Variants in ABCC1 observed in about 807,000 individuals in gnomAD.
The protein encoded by ABCC1 is ATP binding cassette subfamily C member 1 (ABCC1 blood group).
In ABCC1, 83 loss-of-function variants were observed where a neutral mutation model predicts 172.9. The observed-to-expected ratio is 0.48, with a 90% CI of 0.40 to 0.58. ABCC1 has a LOEUF of 0.58. Ranked by LOEUF, ABCC1 falls within the 20% of genes least tolerant of loss-of-function variation. The pLI is 0.00. For synonymous variants in ABCC1, 937 were observed against 825.2 expected (o/e 1.14, Z -2.32); for missense variants, 1,817 against 2,002.7 (o/e 0.91, Z 1.77).
At chr16:15,994,917 G>C (rs1053939868) in intron 1 of ABCC1, among the ~76,000 whole-genome samples, 2 of 151,426 alleles carry the variant, frequency 1.3e-5, no homozygotes, top group Non-Finnish European at 2.9e-5. Context: ...CAGATCATGA[G>C]GTCAGAAATG....
intron 25 of ABCC1, among the ~76,000 whole-genome samples, chr16:16,125,437 A>AT (rs900105917): frequency 1.3e-5 from 2 of 151,308 alleles, no homozygotes; most frequent in South Asian, 2.1e-4. Flanking sequence ...TTATTTATTT[A>AT]TTTTTTTTGG....
intron 12 of ABCC1, among the ~76,000 whole-genome samples, chr16:16,058,163 A>G (rs1399426282): frequency 6.6e-6 from 1 of 152,138 alleles, no homozygotes; most frequent in Non-Finnish European, 1.5e-5. Context: ...TGCAACTTAC[A>G]ATTTGCAAAG....
intron 1 of ABCC1, among the ~76,000 whole-genome samples, chr16:15,985,251 A>T (rs948739558): frequency 1.2e-4 from 19 of 152,214 alleles, no homozygotes; most frequent in Admixed American, 2.0e-4. Context: ...AAGGCATTAG[A>T]AATGCCCTGG....
At chr16:15,960,241 C>T (rs1001061587) in intron 1 of ABCC1, among the ~76,000 whole-genome samples, 21 of 151,738 alleles carry the variant, frequency 1.4e-4, no homozygotes, top group Admixed American at 1.1e-3. Flanking sequence ...CCAGCACACC[C>T]GGCTAATTTT....
chr16:15,981,406 T>C (rs903443599), intron 1 of ABCC1, among the ~76,000 whole-genome samples: 25 of 152,204 alleles, frequency 1.6e-4, no homozygotes, highest in Non-Finnish European at 2.9e-4. Flanking sequence ...ACCCAGGCAT[T>C]TCCATGCATC....
In ABCC1 at chr16:16,134,285, C is replaced by T. The variant is rs569737816; in HGVS notation, c.3967-65C>T. The T allele has an allele frequency of 8.8e-6, 14 of 1,599,018 alleles. No individual in the cohort carries two copies. In the East Asian group the frequency reaches 2.7e-4, roughly 31 times the overall value. ...CTGAGGTGGGGCCGAGATGAGGGCA[C>T]TTTGGGGCAGGGACAAGTCCGGATG... On this transcript the variant is annotated intron_variant, in intron 27 of 30. Transcript: ENST00000399410.
chr16:16,108,956 G>C (rs1224287354), intron 21 of ABCC1, among the ~76,000 whole-genome samples: 1 of 151,852 alleles, frequency 6.6e-6, no homozygotes, highest in Non-Finnish European at 1.5e-5. Context: ...AGAGGTTCCT[G>C]AACGCTGCAG....
chr16:15,998,022 A>G (rs1232571784), intron 1 of ABCC1, among the ~76,000 whole-genome samples: 1 of 150,668 alleles, frequency 6.6e-6, no homozygotes, highest in African/African-American at 2.4e-5. Flanking sequence ...GGGTTTCACT[A>G]TGTTGGCCAG....
chr16:15,963,253 C>T (rs970099780), intron 1 of ABCC1, among the ~76,000 whole-genome samples: 1 of 152,266 alleles, frequency 6.6e-6, no homozygotes, highest in Admixed American at 6.5e-5. Context: ...GGCAGCTCTG[C>T]CCCTGTGGCT....
At chr16:15,984,691 A>G (rs1461417902) in intron 1 of ABCC1, among the ~76,000 whole-genome samples, 1 of 151,892 alleles carries the variant, frequency 6.6e-6, no homozygotes, top group South Asian at 2.1e-4. Context: ...TGATCTGCCC[A>G]CCTTGGCCTC....
At chr16:15,965,201 A>T (rs934024345) in intron 1 of ABCC1, among the ~76,000 whole-genome samples, 1 of 151,874 alleles carries the variant, frequency 6.6e-6, no homozygotes, top group Non-Finnish European at 1.5e-5. Flanking sequence ...TAAATGTCCA[A>T]TCGATAGTTC....
intron 1 of ABCC1, among the ~76,000 whole-genome samples, chr16:15,971,740 A>T (rs1307826560): frequency 6.6e-6 from 1 of 152,068 alleles, no homozygotes; most frequent in Non-Finnish European, 1.5e-5. Context: ...TTTGAGTTTG[A>T]TTGCTTCAGT....
intron 27 of ABCC1, 24 bp downstream of exon 27, chr16:16,131,959 C>G (rs765156385): frequency 6.2e-7 from 1 of 1,605,738 alleles, no homozygotes; most frequent in Non-Finnish European, 8.5e-7. Context: ...GCCCCATTCC[C>G]TCACCCATTC....
At chr16:16,123,592 A>G (rs926787318) in intron 24 of ABCC1, among the ~76,000 whole-genome samples, 14 of 152,138 alleles carry the variant, frequency 9.2e-5, no homozygotes, top group Non-Finnish European at 5.9e-5. Context: ...GCACCATTGC[A>G]CTCCAGCCTG....
chr16:16,094,286 A>G (rs1260426837), intron 19 of ABCC1: 4 of 265,950 alleles, frequency 1.5e-5, no homozygotes, highest in African/African-American at 4.6e-5. Context: ...CCTTAAGTTC[A>G]GTGTGACTCT....
At chr16:15,971,822 G>T (rs2046376975) in intron 1 of ABCC1, among the ~76,000 whole-genome samples, 1 of 152,118 alleles carries the variant, frequency 6.6e-6, no homozygotes, top group South Asian at 2.1e-4. Context: ...GGAACACCAG[G>T]GTTCTTGGTC....
At chr16:16,101,732 A>G (rs1032198715) in intron 19 of ABCC1, among the ~76,000 whole-genome samples, 4 of 152,130 alleles carry the variant, frequency 2.6e-5, no homozygotes, top group Admixed American at 2.6e-4. Flanking sequence ...GTTATTGTGA[A>G]CCGGGAAAGA....
chr16:15,957,623 G>A (rs1350745253), intron 1 of ABCC1, among the ~76,000 whole-genome samples: 1 of 152,034 alleles, frequency 6.6e-6, no homozygotes, highest in Non-Finnish European at 1.5e-5. Flanking sequence ...TTGAGACGGA[G>A]TCTTGCTCTG....
intron 1 of ABCC1, among the ~76,000 whole-genome samples, chr16:15,997,093 CT>C (rs34024385): frequency 3.3e-4 from 45 of 137,116 alleles, no homozygotes; most frequent in South Asian, 4.6e-4. Context: ...TGCGCTTTCT[CT>C]TTTTTTTTTT....
Sources: allele counts gnomAD v4.1 joint callset (sites outside exome capture counted in the v4.1 genomes callset), GRCh38; gene constraint gnomAD v4.1.1; transcripts MANE v1.5; gene names NCBI Gene and HGNC (gene_info 2026-07-23, HGNC 2026-07-21).